TBC1D5: variants seen among roughly 807,000 people sequenced by gnomAD.
TBC1D5 encodes TBC1 domain family member 5, also known as TBC1 domain family, member 5.
A neutral mutation model predicts 100.3 loss-of-function variants in TBC1D5; 75 were observed. That is an observed-to-expected ratio of 0.75 (90% confidence interval 0.62 to 0.91). The LOEUF is 0.91. TBC1D5 is among the 40% of genes least tolerant of loss of function. The pLI, the probability that TBC1D5 is intolerant of heterozygous loss-of-function variation, is 0.00. For synonymous variants in TBC1D5, 323 were observed against 325.6 expected (o/e 0.99, Z 0.09); for missense variants, 910 against 942.4 (o/e 0.97, Z 0.45).
chr3:17,459,142 ATAAG>A (rs2095151717), intron 3 of TBC1D5, among the ~76,000 whole-genome samples: 2 of 152,358 alleles, frequency 1.3e-5, no homozygotes, highest in African/African-American at 4.8e-5. Context: ...GGATATAAAT[ATAAG>A]TAAGATAAAG....
At chr3:17,577,434 A>G (rs1010702757) in intron 2 of TBC1D5, among the ~76,000 whole-genome samples, 2 of 151,926 alleles carry the variant, frequency 1.3e-5, no homozygotes, top group Non-Finnish European at 2.9e-5. Flanking sequence ...AAACATCCAC[A>G]CAAGCATTTT....
chr3:17,245,080 C>T (rs957634593), intron 16 of TBC1D5, among the ~76,000 whole-genome samples: 4 of 149,678 alleles, frequency 2.7e-5, no homozygotes, highest in Non-Finnish European at 4.4e-5. Flanking sequence ...GTAGTCCCAG[C>T]TACTTGAGGG....
At chr3:17,528,299 G>A (rs1428492303) in intron 2 of TBC1D5, among the ~76,000 whole-genome samples, 3 of 152,180 alleles carry the variant, frequency 2.0e-5, no homozygotes, top group Admixed American at 6.5e-5. Flanking sequence ...TAATGCATAA[G>A]GTTAATGCTT....
chr3:17,193,450 A>G (rs2070235646), intron 18 of TBC1D5, among the ~76,000 whole-genome samples: 2 of 152,242 alleles, frequency 1.3e-5, no homozygotes, highest in Admixed American at 6.5e-5. Context: ...AGGTGTTGGC[A>G]GGTTAAAATA....
At chr3:17,684,089 TTC>T (rs2069902804) in intron 1 of TBC1D5, among the ~76,000 whole-genome samples, 1 of 152,006 alleles carries the variant, frequency 6.6e-6, no homozygotes, top group African/African-American at 2.4e-5. Flanking sequence ...TTTTCTTTCT[TTC>T]TTTTTTTTTC....
chr3:17,569,855 CTT>C (rs1322778069), intron 2 of TBC1D5, among the ~76,000 whole-genome samples: 1 of 151,720 alleles, frequency 6.6e-6, no homozygotes, highest in Non-Finnish European at 1.5e-5. Flanking sequence ...TTCTAAAAAA[CTT>C]AATGCATCAA....
intron 1 of TBC1D5, among the ~76,000 whole-genome samples, chr3:17,693,372 C>T (rs1017989838): frequency 6.6e-5 from 10 of 152,210 alleles, no homozygotes; most frequent in Non-Finnish European, 1.2e-4. Context: ...ACGTAACACT[C>T]CCACCCAAAA....
At chr3:17,293,998 T>C (rs1400916965) in intron 14 of TBC1D5, among the ~76,000 whole-genome samples, 1 of 152,242 alleles carries the variant, frequency 6.6e-6, no homozygotes, top group African/African-American at 2.4e-5. Flanking sequence ...AGGGGCAAGA[T>C]TGGAAACCCA....
At chr3:17,678,124 G>A (rs1375221255) in intron 1 of TBC1D5, among the ~76,000 whole-genome samples, 1 of 152,046 alleles carries the variant, frequency 6.6e-6, no homozygotes, top group South Asian at 2.1e-4. Flanking sequence ...ATGTACCCTA[G>A]AACTTAAAAG....
chr3:17,325,069 C>T (rs2085914313), intron 13 of TBC1D5, among the ~76,000 whole-genome samples: 1 of 148,472 alleles, frequency 6.7e-6, no homozygotes, highest in Admixed American at 6.6e-5. Flanking sequence ...TAAAGTTGAA[C>T]ATATATTTTA....
intron 4 of TBC1D5, 53 bp downstream of exon 4, chr3:17,428,393 ATATG>A (rs1006404814): frequency 3.0e-5 from 12 of 398,130 alleles, no homozygotes; most frequent in African/African-American, 1.5e-4. Context: ...TTATAATATT[ATATG>A]TGTGTGTGTG....
chr3:17,605,291 C>T (rs2061267226), intron 2 of TBC1D5, among the ~76,000 whole-genome samples: 1 of 152,118 alleles, frequency 6.6e-6, no homozygotes, highest in African/African-American at 2.4e-5. Flanking sequence ...TTTTACTAAA[C>T]CACACAATTA....
At chr3:17,378,812 A>C (rs2092813671) in intron 9 of TBC1D5, among the ~76,000 whole-genome samples, 1 of 149,828 alleles carries the variant, frequency 6.7e-6, no homozygotes, top group Non-Finnish European at 1.5e-5. Context: ...ATATAAGTTT[A>C]ATTTTTGCCA....
chr3:17,636,071 T>C (rs913965054), intron 1 of TBC1D5, among the ~76,000 whole-genome samples: 4 of 152,080 alleles, frequency 2.6e-5, no homozygotes, highest in Admixed American at 2.6e-4. Flanking sequence ...TGGGCACCTG[T>C]AATCCCAGCT....
chr3:17,727,521 A>G (rs942806867), intron 1 of TBC1D5, among the ~76,000 whole-genome samples: 2 of 152,222 alleles, frequency 1.3e-5, no homozygotes, highest in African/African-American at 2.4e-5. Flanking sequence ...AAAAGCAGAA[A>G]TCACCAAAAA....
intron 3 of TBC1D5, among the ~76,000 whole-genome samples, chr3:17,494,661 T>C (rs1302364331): frequency 3.3e-5 from 5 of 152,108 alleles, no homozygotes; most frequent in Non-Finnish European, 7.4e-5. Context: ...CTGGCCATGA[T>C]CTACTACAGC....
chr3:17,231,777 A>G (rs1270961259), intron 17 of TBC1D5, among the ~76,000 whole-genome samples: 7 of 152,292 alleles, frequency 4.6e-5, no homozygotes, highest in African/African-American at 1.7e-4. Context: ...ATTGTCTATC[A>G]TTGTCAAAAT....
chr3:17,301,332 A>G (rs114475975), intron 14 of TBC1D5, among the ~76,000 whole-genome samples: 1 of 152,232 alleles, frequency 6.6e-6, no homozygotes, highest in Non-Finnish European at 1.5e-5. Context: ...AAAGTAGGCC[A>G]TGCTTTCTTT....
intron 15 of TBC1D5, among the ~76,000 whole-genome samples, chr3:17,274,692 T>C (rs1392198742): frequency 1.3e-5 from 2 of 152,188 alleles, no homozygotes; most frequent in African/African-American, 4.8e-5. Context: ...GCAGGCACCA[T>C]ACAATACCCA....
Sources: gnomAD v4.1 joint callset for allele counts (sites outside exome capture counted in the v4.1 genomes callset) on GRCh38, gnomAD v4.1.1 for gene constraint, MANE v1.5 for transcripts, NCBI Gene and HGNC (gene_info 2026-07-23, HGNC 2026-07-21) for gene names.